The following PITPNA variants were observed in gnomAD, a reference collection of about 807,000 sequenced individuals.
PITPNA encodes phosphatidylinositol transfer protein alpha isoform.
Under a neutral mutation model 50.3 loss-of-function variants are expected in PITPNA, and 13 were observed. That is an observed-to-expected ratio of 0.26 (90% CI 0.17 to 0.41). PITPNA has a LOEUF of 0.41. PITPNA is among the 10% of genes least tolerant of loss of function. PITPNA has a pLI of 1.00. For missense variants in PITPNA, 207 were observed against 333.4 expected (o/e 0.62, Z 2.95); for synonymous variants, 120 against 119.6 (o/e 1.00, Z -0.02).
chr17:1,545,184 G>A (rs540564579), intron 4 of PITPNA, among the ~76,000 whole-genome samples: 1 of 152,186 alleles, frequency 6.6e-6, no homozygotes, highest in East Asian at 1.9e-4. Flanking sequence ...TCAGCTTCAA[G>A]GGAAAAAGAG....
At chr17:1,537,220 C>T (rs760552272) in intron 7 of PITPNA, among the ~76,000 whole-genome samples, 3 of 152,006 alleles carry the variant, frequency 2.0e-5, no homozygotes, top group Non-Finnish European at 2.9e-5. Context: ...CCTGCCACCA[C>T]GCCTGGCTAA....
intron 6 of PITPNA, 130 bp from the exon 7 acceptor site, chr17:1,539,082 A>G: frequency 1.6e-6 from 1 of 616,802 alleles, no homozygotes; most frequent in Non-Finnish European, 2.9e-6. Flanking sequence ...AAGTAATTAT[A>G]CAATTACATA....
At chr17:1,554,825 G>C (rs2075727320) in intron 2 of PITPNA, among the ~76,000 whole-genome samples, 1 of 152,192 alleles carries the variant, frequency 6.6e-6, no homozygotes, top group South Asian at 2.1e-4. Flanking sequence ...AAAAGGGGCA[G>C]CAATCGAGGC....
rs147366133 is a variant in PITPNA at position 1,558,769 on chromosome 17, A to ACCCCCC, written c.21-216_21-211dup. Among the ~76,000 whole-genome samples, 186 of 22,694 alleles carry ACCCCCC rather than the reference A, an allele frequency of 8.2e-3. 2 individuals carry two copies. Among genetic ancestry groups the ACCCCCC allele is most frequent in the African/African-American group, 0.01 (43 of 4,106 alleles). 14.9% of individuals were successfully genotyped at this position (22,694 alleles called of 152,430 possible). On this transcript the variant is annotated intron_variant, in intron 1 of 11. Transcript: ENST00000313486. ...GTAAGACACTAAACTCTGTGACAACACCCCCCCCCCGCCCCCCCCCCCAGA... is the reference window on the plus strand; with the variant it reads ...GTAAGACACTAAACTCTGTGACAACACCCCCCCCCCCCCCCCGCCCCCCCCCCCAGA...
At chr17:1,558,332 G>C (rs1396156706) in intron 2 of PITPNA, among the ~76,000 whole-genome samples, 197 bp downstream of exon 2, 1 of 151,914 alleles carries the variant, frequency 6.6e-6, no homozygotes, top group Non-Finnish European at 1.5e-5. Context: ...GCTTGGGACA[G>C]GTTGCACACA....
chr17:1,523,276 T>C (rs1001049039), intron 10 of PITPNA, among the ~76,000 whole-genome samples: 1 of 152,236 alleles, frequency 6.6e-6, no homozygotes, highest in African/African-American at 2.4e-5. Flanking sequence ...TGCTCAACTT[T>C]TGTTCTTTAT....
Position 1,517,810 on chromosome 17 carries a change from A to T in PITPNA, c.*2751T>A, listed in dbSNP as rs975938898. 1 of 152,316 alleles carries T rather than the reference A, an allele frequency of 6.6e-6. No individual in the cohort carries two copies. Among genetic ancestry groups the T allele is most frequent in the African/African-American group, 2.4e-5 (1 of 41,458 alleles). The allele number at this position is 152,316 out of a possible 1,614,324, so 9.4% of individuals were successfully genotyped here. ...CGGCCGAATTACAATTCAGATGTGC[A>T]ATGTTTGCATAAGTAAACTGACACG... On this transcript the variant is annotated 3_prime_UTR_variant, in exon 12 of 12. Transcript: ENST00000313486.
rs911469172 is a variant in PITPNA at position 1,558,101 on chromosome 17, C to G, written c.51+428G>C. Among the ~76,000 whole-genome samples, 7 of 152,140 alleles carry G rather than the reference C, an allele frequency of 4.6e-5. 1 individual carries two copies. The highest frequency in any genetic ancestry group is 1.7e-4 in the African/African-American group (7 of 41,498). On this transcript the variant is annotated intron_variant, in intron 2 of 11. Transcript: ENST00000313486. The stretch of plus-strand genomic sequence containing the variant: ...TAAAAATTAGCCGGGTGTGGTGGCA[C>G]ACACCTGTAATCCCGGCTACTTGGG...
rs1466594493 is a variant in PITPNA, at chr17:1,518,146, G to GT, written c.*2414dup. The GT allele has an allele frequency of 2.6e-5, 4 of 152,556 alleles. No homozygotes were observed. Among genetic ancestry groups the GT allele is most frequent in the African/African-American group, 4.8e-5 (2 of 41,450 alleles). 9.5% of individuals were successfully genotyped at this position (152,556 alleles called of 1,614,324 possible). ...CAAGTAGCACTAGGAACCAACCAAA[G>GT]TAAGTCAGGGAGTCCCAGCAGGGAC... On this transcript the variant is annotated 3_prime_UTR_variant, in exon 12 of 12. Coordinates refer to ENST00000313486, the MANE Select transcript of PITPNA (RefSeq NM_006224.4).
intron 3 of PITPNA, among the ~76,000 whole-genome samples, chr17:1,549,264 CTTTT>C (rs111372952): frequency 1.6e-5 from 2 of 126,182 alleles, no homozygotes; most frequent in Non-Finnish European, 1.7e-5. Flanking sequence ...AAGCCCCCTG[CTTTT>C]TTTTTTTTTT....
chr17:1,533,677 C>T (rs534256318), intron 10 of PITPNA, among the ~76,000 whole-genome samples: 17 of 152,284 alleles, frequency 1.1e-4, no homozygotes, highest in African/African-American at 3.9e-4. Flanking sequence ...CGTAGACAGC[C>T]GCCAGCTGTC....
At chr17:1,523,252 A>C (rs2075525721) in intron 10 of PITPNA, among the ~76,000 whole-genome samples, 1 of 152,248 alleles carries the variant, frequency 6.6e-6, no homozygotes, top group Admixed American at 6.5e-5. Flanking sequence ...TTTCTTCACT[A>C]TCCATTAGTT....
intron 2 of PITPNA, among the ~76,000 whole-genome samples, chr17:1,556,066 T>C (rs2075733359): frequency 6.6e-6 from 1 of 152,206 alleles, no homozygotes; most frequent in Non-Finnish European, 1.5e-5. Flanking sequence ...AGTCACAAGA[T>C]GCTGAGCTGT....
rs1429326224 is a variant in PITPNA, at chr17:1,518,727, A to T, written c.*1834T>A. 6.6e-6 allele frequency: 1 copy of T among 152,362 alleles called. No homozygotes were observed. Among genetic ancestry groups the T allele is most frequent in the East Asian group, 1.9e-4 (1 of 5,196 alleles). 9.4% of individuals were successfully genotyped at this position (152,362 alleles called of 1,614,324 possible). On this transcript the variant is annotated 3_prime_UTR_variant, in exon 12 of 12. Coordinates refer to ENST00000313486, the MANE Select transcript of PITPNA (RefSeq NM_006224.4). ...AATGTCAGTTTGTTTCTTTCAAGAT[A>T]ACCCGCATCTGGACTTCCCCTAGTT...
chr17:1,522,071 C>CTTTTCTTTTTTTT lies in PITPNA; in HGVS notation c.769-427_769-426insAAAAAAAAGAAAA, dbSNP rs751204255. 1.2e-3 allele frequency among the ~76,000 whole-genome samples: 168 copies of CTTTTCTTTTTTTT among 141,634 alleles called. 3 individuals are homozygous for CTTTTCTTTTTTTT. The highest frequency in any genetic ancestry group is 3.7e-3 in the Middle Eastern group (1 of 272). The allele number at this position is 141,634 out of a possible 152,430, so 92.9% of individuals were successfully genotyped here. A position where few individuals can be genotyped will look rare whatever the true frequency, so the allele number is the denominator to read the frequency against. On this transcript the variant is annotated intron_variant, in intron 10 of 11. Transcript: ENST00000313486. The stretch of plus-strand genomic sequence containing the variant: ...CATTCAACAAATACTTATGAAACAT[C>CTTTTCTTTTTTTT]TTTTTTTTTTTGAGACGGAGTCTCG...
intron 2 of PITPNA, among the ~76,000 whole-genome samples, chr17:1,557,273 A>G (rs749202215): frequency 2.0e-5 from 3 of 149,844 alleles, no homozygotes; most frequent in African/African-American, 2.5e-5. Flanking sequence ...GTGTCTGCCC[A>G]CCCCTCTCGG....
chr17:1,530,899 AG>A lies in PITPNA; in HGVS notation c.768+3199del, dbSNP rs1469907737. 7.9e-5 allele frequency among the ~76,000 whole-genome samples: 12 copies of A among 152,320 alleles called. No individual in the cohort carries two copies. The South Asian group carries it at 2.5e-3, about 32-fold the overall frequency. Reference sequence around the variant, plus strand: ...GGAGCTGCAGGTTCTGCAAAGGCTCAGGAACTGGAAGCACCAGGTCCCGCTG... The same window carrying A: ...GGAGCTGCAGGTTCTGCAAAGGCTCAGAACTGGAAGCACCAGGTCCCGCTG... On this transcript the variant is annotated intron_variant, in intron 10 of 11. Transcript: ENST00000313486.
intron 10 of PITPNA, among the ~76,000 whole-genome samples, chr17:1,522,939 T>G (rs35367191): frequency 6.6e-6 from 1 of 152,266 alleles, no homozygotes; most frequent in Admixed American, 6.5e-5. Context: ...CCTGTGGCTC[T>G]CCGGGAGAGG....
chr17:1,552,940 G>A, intron 3 of PITPNA, 64 bp downstream of exon 3: 1 of 1,539,946 alleles, frequency 6.5e-7, no homozygotes, highest in Admixed American at 1.7e-5. Context: ...AACAATAAAG[G>A]AAATAACACT....
Sources: gnomAD v4.1 joint callset for allele counts (sites outside exome capture counted in the v4.1 genomes callset) on GRCh38, gnomAD v4.1.1 for gene constraint, MANE v1.5 for transcripts, NCBI Gene and HGNC (gene_info 2026-07-23, HGNC 2026-07-21) for gene names.